The following RAB11FIP4 variants were observed in gnomAD, a reference collection of about 807,000 sequenced individuals.
RAB11FIP4 encodes RAB11 family interacting protein 4.
RAB11FIP4 carries 23 observed loss-of-function variants against 74.3 expected under a neutral mutation model. The ratio of observed to expected loss-of-function variants is 0.31; its 90% CI spans 0.22 to 0.44. The LOEUF (loss-of-function observed/expected upper bound fraction) is 0.44. Ranked by LOEUF, RAB11FIP4 falls within the 20% of genes least tolerant of loss-of-function variation. RAB11FIP4 has a pLI of 1.00. For missense variants in RAB11FIP4, 630 were observed against 863.9 expected (o/e 0.73, Z 3.39); for synonymous variants, 360 against 359.9 (o/e 1.00, Z 0.00).
chr17:31,516,519 A>T (rs1294712977), intron 3 of RAB11FIP4, among the ~76,000 whole-genome samples: 3 of 152,196 alleles, frequency 2.0e-5, no homozygotes, highest in African/African-American at 4.8e-5. Context: ...ACCCAGGCCG[A>T]ACTGCAGTGG....
intron 3 of RAB11FIP4, among the ~76,000 whole-genome samples, chr17:31,469,704 G>A (rs532276813): frequency 6.6e-6 from 1 of 151,734 alleles, no homozygotes; most frequent in Non-Finnish European, 1.5e-5. Flanking sequence ...ATAAGGAAAG[G>A]CCTCTTTGAG....
At chr17:31,426,594 T>C (rs78876620) in intron 1 of RAB11FIP4, among the ~76,000 whole-genome samples, 1 of 109,904 alleles carries the variant, frequency 9.1e-6, no homozygotes, top group South Asian at 3.3e-4. Context: ...TTTCTTTTTC[T>C]TTTCCTTTTT....
At chr17:31,490,504 G>A (rs1003227615) in intron 3 of RAB11FIP4, among the ~76,000 whole-genome samples, 3 of 152,114 alleles carry the variant, frequency 2.0e-5, no homozygotes, top group African/African-American at 7.2e-5. Context: ...ATGAGAAAGG[G>A]CATGCTGTTT....
intron 3 of RAB11FIP4, among the ~76,000 whole-genome samples, chr17:31,483,125 G>C (rs1033484637): frequency 6.7e-6 from 1 of 149,490 alleles, no homozygotes; most frequent in Non-Finnish European, 1.5e-5. Context: ...CCCTGGAGGC[G>C]GAGTTTGCAG....
At position 31,516,954 on chromosome 17, in the gene RAB11FIP4, C is replaced by A. The variant is rs564052410; in HGVS notation, c.337-697C>A. The stretch of plus-strand genomic sequence containing the variant: ...AGTTTGATTGGTTGCAGGAGGGGAC[C>A]AATCAGAGGCCAAAGTGAAGTTACA... On this transcript the variant is annotated intron_variant, in intron 3 of 14. Coordinates refer to ENST00000621161, the MANE Select transcript of RAB11FIP4 (RefSeq NM_032932.6). 7.2e-5 allele frequency among the ~76,000 whole-genome samples: 11 copies of A among 152,048 alleles called. No homozygotes were observed. The South Asian group carries it at 2.1e-3, about 29-fold the overall frequency.
intron 3 of RAB11FIP4, among the ~76,000 whole-genome samples, chr17:31,468,651 A>G (rs1433451926): frequency 6.6e-6 from 1 of 152,080 alleles, no homozygotes; most frequent in African/African-American, 2.4e-5. Flanking sequence ...CAACATGGTG[A>G]AACCCCATCT....
intron 1 of RAB11FIP4, among the ~76,000 whole-genome samples, chr17:31,420,623 A>T (rs900269242): frequency 6.6e-6 from 1 of 151,976 alleles, no homozygotes; most frequent in Non-Finnish European, 1.5e-5. Context: ...CTTTTCAAAA[A>T]AAAAACCAGA....
At chr17:31,441,945 C>A (rs1469617907) in intron 3 of RAB11FIP4, among the ~76,000 whole-genome samples, 1 of 152,086 alleles carries the variant, frequency 6.6e-6, no homozygotes, top group Non-Finnish European at 1.5e-5. Flanking sequence ...CATGATATTT[C>A]ATCACATGAA....
intron 3 of RAB11FIP4, among the ~76,000 whole-genome samples, chr17:31,496,535 C>T (rs1243074906): frequency 6.6e-6 from 1 of 152,218 alleles, no homozygotes; most frequent in Non-Finnish European, 1.5e-5. Flanking sequence ...CTCTTCTTCC[C>T]TCGTCCTTCT....
chr17:31,460,642 C>G (rs2071625163), intron 3 of RAB11FIP4, among the ~76,000 whole-genome samples: 1 of 152,146 alleles, frequency 6.6e-6, no homozygotes, highest in African/African-American at 2.4e-5. Context: ...TTCATTTTCT[C>G]TCTCCCTCCA....
chr17:31,531,784 C>G lies in RAB11FIP4; in HGVS notation c.*52C>G. Reference sequence around the variant, plus strand: ...TTAGGACCCTGGGACCAAGGGCAGACCCTGCCCAAGGATGCAGGCCTAAGC... The same window carrying G: ...TTAGGACCCTGGGACCAAGGGCAGAGCCTGCCCAAGGATGCAGGCCTAAGC... On this transcript the variant is annotated 3_prime_UTR_variant, in exon 15 of 15. Coordinates refer to ENST00000621161, the MANE Select transcript of RAB11FIP4 (RefSeq NM_032932.6). The G allele has an allele frequency of 6.5e-6, 8 of 1,238,678 alleles. No homozygotes were observed. The highest frequency in any genetic ancestry group is 8.3e-6 in the Non-Finnish European group (7 of 843,306). 76.7% of individuals were successfully genotyped at this position (1,238,678 alleles called of 1,614,324 possible).
chr17:31,431,880 G>T lies in RAB11FIP4; in HGVS notation c.227G>T (p.Arg76Leu). Reference protein sequence around the residue: ...LGRINFKDFCRGVFAMKGCEE... With the variant: ...LGRINFKDFCLGVFAMKGCEE... ...AGAATCAACTTCAAGGACTTTTGCC[G>T]GGGGGTGTTCGCCATGAAAGGTGAG... Residue 76 changes from arginine to leucine, a missense_variant, in exon 2 of 15, where the codon CGG becomes CTG. Arg to Leu is a moderately radical substitution (Grantham distance 102). Transcript: ENST00000621161. 1 of 1,609,886 alleles carries T rather than the reference G, an allele frequency of 6.2e-7. No homozygotes were observed.
intron 1 of RAB11FIP4, among the ~76,000 whole-genome samples, chr17:31,393,957 G>T (rs2070903112): frequency 6.6e-6 from 1 of 152,128 alleles, no homozygotes; most frequent in Admixed American, 6.6e-5. Flanking sequence ...ACAGCTTAGG[G>T]TGGGGCTGCC....
chr17:31,462,064 C>G (rs1228661390), intron 3 of RAB11FIP4, among the ~76,000 whole-genome samples: 1 of 152,018 alleles, frequency 6.6e-6, no homozygotes, highest in Non-Finnish European at 1.5e-5. Context: ...GAGTTCGAGA[C>G]CAGCCTGACC....
At chr17:31,488,255 C>T (rs2071938459) in intron 3 of RAB11FIP4, 3 of 1,169,222 alleles carry the variant, frequency 2.6e-6, no homozygotes, top group Non-Finnish European at 3.2e-6. Flanking sequence ...GCGCACCCCG[C>T]CAGCTCTCGG....
chr17:31,505,637 ATAAT>A (rs1393346869), intron 3 of RAB11FIP4, among the ~76,000 whole-genome samples: 4 of 90,554 alleles, frequency 4.4e-5, no homozygotes, highest in East Asian at 2.2e-4. Context: ...TTATATAATA[ATAAT>A]TATATATAAT....
In RAB11FIP4 at chr17:31,470,298, T is replaced by C. The variant is rs143939689; in HGVS notation, c.336+36176T>C. ...CATGGGTATGCAGATCTGGCCCTCA[T>C]TGATGCAAACACCAGCCCTCTCCTG... On this transcript the variant is annotated intron_variant, in intron 3 of 14. Transcript: ENST00000621161. Among the ~76,000 whole-genome samples, 17 of 152,246 alleles carry C rather than the reference T, an allele frequency of 1.1e-4. No homozygotes were observed. The East Asian group carries it at 2.3e-3, about 21-fold the overall frequency.
chr17:31,426,211 T>C (rs967437121), intron 1 of RAB11FIP4, among the ~76,000 whole-genome samples: 3 of 152,164 alleles, frequency 2.0e-5, no homozygotes, highest in African/African-American at 4.8e-5. Flanking sequence ...GAGCAGTGGC[T>C]GACTCTCTGG....
intron 3 of RAB11FIP4, among the ~76,000 whole-genome samples, chr17:31,464,749 CTT>C (rs58083480): frequency 0.093 from 3,599 of 38,904 alleles, 36 homozygotes; most frequent in East Asian, 0.2. Flanking sequence ...CTGTGCCCGG[CTT>C]TTTTTTTTTT....
Sources: gnomAD v4.1 joint callset for allele counts (sites outside exome capture counted in the v4.1 genomes callset) on GRCh38, gnomAD v4.1.1 for gene constraint, MANE v1.5 for transcripts, NCBI Gene and HGNC (gene_info 2026-07-23, HGNC 2026-07-21) for gene names.